The following ZRANB1 variants were observed in gnomAD, a reference collection of about 807,000 sequenced individuals.
ZRANB1 encodes ubiquitin thioesterase ZRANB1.
ZRANB1 carries 16 observed loss-of-function variants against 80.5 expected under a neutral mutation model. That is an observed-to-expected ratio of 0.20 (90% confidence interval 0.13 to 0.30). ZRANB1 has a LOEUF of 0.30. Among genes scored for constraint, ZRANB1 ranks in the 10% least tolerant of loss-of-function variants. The pLI, the probability that ZRANB1 is intolerant of heterozygous loss-of-function variation, is 1.00. For synonymous variants in ZRANB1, 291 were observed against 293.1 expected (o/e 0.99, Z 0.07); for missense variants, 576 against 862.6 (o/e 0.67, Z 4.16).
the ZRANB1 span, among the ~76,000 whole-genome samples, chr10:124,922,448 C>T: frequency 2.0e-5 from 3 of 150,218 alleles, no homozygotes; most frequent in Non-Finnish European, 4.4e-5. Context: ...ACTTCAGCCT[C>T]CCCAGTAGCT....
At chr10:124,956,524 A>C (rs1951688754) in intron 1 of ZRANB1, among the ~76,000 whole-genome samples, 1 of 151,978 alleles carries the variant, frequency 6.6e-6, no homozygotes, top group African/African-American at 2.4e-5. Context: ...GCTGGAGTGC[A>C]GTGGTGCTAT....
At chr10:124,968,514 AG>A (rs1951794960) in intron 2 of ZRANB1, among the ~76,000 whole-genome samples, 1 of 152,200 alleles carries the variant, frequency 6.6e-6, no homozygotes, top group East Asian at 1.9e-4. Context: ...ATAAGGGAGA[AG>A]GGAACTTTTC....
In ZRANB1 at chr10:124,952,751, T is replaced by C. The variant is rs79464643; in HGVS notation, c.814+9444T>C. 1.9e-4 allele frequency among the ~76,000 whole-genome samples: 29 copies of C among 151,776 alleles called. No homozygotes were observed. In the East Asian group the frequency reaches 5.6e-3, roughly 30 times the overall value. On this transcript the variant is annotated intron_variant, in intron 1 of 8. Transcript: ENST00000359653. ...TCAACCTCTCAAGTAGCTGGAATTATAGGCGCCCGCCAACATTCCCAGCTA... is the reference window on the plus strand; with the variant it reads ...TCAACCTCTCAAGTAGCTGGAATTACAGGCGCCCGCCAACATTCCCAGCTA...
the ZRANB1 span, among the ~76,000 whole-genome samples, chr10:124,928,212 T>A: frequency 1.4e-4 from 21 of 152,280 alleles, no homozygotes; most frequent in African/African-American, 5.1e-4. Context: ...AGCATCCTGT[T>A]ACGAGTGAAG....
chr10:124,976,565 CTTTTTTTT>C (rs138858881), intron 5 of ZRANB1, among the ~76,000 whole-genome samples: 1 of 75,700 alleles, frequency 1.3e-5, no homozygotes, highest in Non-Finnish European at 2.5e-5. Flanking sequence ...TGGTAATTTC[CTTTTTTTT>C]TTTTTTTTTT....
At chr10:124,921,567 C>CT in the ZRANB1 span, among the ~76,000 whole-genome samples, 4 of 152,060 alleles carry the variant, frequency 2.6e-5, no homozygotes, top group African/African-American at 4.8e-5. Context: ...CTTGACTTAC[C>CT]TACTACATCT....
chr10:124,966,772 G>A lies in ZRANB1; in HGVS notation c.993G>A (p.Leu331=), dbSNP rs1273166122. 2 of 1,611,258 alleles carry A rather than the reference G, an allele frequency of 1.2e-6. No individual in the cohort carries two copies. Among genetic ancestry groups the A allele is most frequent in the South Asian group, 2.2e-5 (2 of 90,970 alleles). Residue 331 remains leucine, a synonymous_variant, in exon 2 of 9, where the codon TTG becomes TTA. Transcript: ENST00000359653. ...RFQRQDMLAI[L]LTEVSQQAAK... ...AGAGGCAGGATATGCTAGCAATATT[G>A]CTTACAGAGGTAAGTTTGGCGTTTT... is the stretch of plus-strand genomic sequence containing the variant.
the ZRANB1 span, among the ~76,000 whole-genome samples, chr10:124,936,158 G>T: frequency 1.3e-5 from 2 of 152,136 alleles, no homozygotes; most frequent in African/African-American, 4.8e-5. Context: ...TGTGTGGCAT[G>T]TTTGGGAGTG....
chr10:124,942,983 G>T lies in ZRANB1; in HGVS notation c.490G>T (p.Ala164Ser). 6.2e-7 allele frequency: 1 copy of T among 1,614,200 alleles called. No homozygotes were observed. Among genetic ancestry groups the T allele is most frequent in the East Asian group, 2.2e-5 (1 of 44,884 alleles). Reference sequence around the variant, plus strand: ...CTCTGTTTGCACATATGAAAACTGGGCCAAGGCTAAAAGATGTGTTGTTTG... The same window carrying T: ...CTCTGTTTGCACATATGAAAACTGGTCCAAGGCTAAAAGATGTGTTGTTTG... ...TCSVCTYENWAKAKRCVVCDH... is the reference protein window; with the variant it reads ...TCSVCTYENWSKAKRCVVCDH... Residue 164 changes from alanine (A) to serine (S), a missense_variant, in exon 1 of 9, where the codon GCC (alanine) becomes TCC (serine). Physicochemically the swap from Ala to Ser is moderately conservative, Grantham distance 99 (BLOSUM62 1). Coordinates refer to ENST00000359653, the MANE Select transcript of ZRANB1 (RefSeq NM_017580.3).
At chr10:124,967,400 C>G (rs1951785225) in intron 2 of ZRANB1, among the ~76,000 whole-genome samples, 1 of 152,068 alleles carries the variant, frequency 6.6e-6, no homozygotes, top group African/African-American at 2.4e-5. Flanking sequence ...TAGGGACTTG[C>G]AGGTAACTAA....
At position 124,987,350 on chromosome 10, in the gene ZRANB1, T is replaced by C. The variant is rs1952077323; in HGVS notation, c.*2358T>C. On this transcript the variant is annotated 3_prime_UTR_variant, in exon 9 of 9. Coordinates refer to ENST00000359653, the MANE Select transcript of ZRANB1 (RefSeq NM_017580.3). ...GCATTTTGTTTTGACTTGTTCTTCC[T>C]TGGGGTCAAATTTATATATATATAT... is the stretch of plus-strand genomic sequence containing the variant. The C allele has an allele frequency of 6.7e-6, 1 of 149,732 alleles. No homozygotes were observed. The highest frequency in any genetic ancestry group is 2.1e-4 in the South Asian group (1 of 4,746). The allele number at this position is 149,732 out of a possible 1,614,324, so 9.3% of individuals were successfully genotyped here.
At chr10:124,946,084 C>T (rs900954071) in intron 1 of ZRANB1, among the ~76,000 whole-genome samples, 10 of 152,102 alleles carry the variant, frequency 6.6e-5, no homozygotes, top group Non-Finnish European at 8.8e-5. Flanking sequence ...CCACTGGGTC[C>T]GGCCCATCTC....
At chr10:124,917,174 TCGCCGCTGCCGC>T in the ZRANB1 span, 4 of 165,928 alleles carry the variant, frequency 2.4e-5, no homozygotes, top group South Asian at 1.8e-4. Flanking sequence ...GCGCGGGGAG[TCGCCGCTGCCGC>T]CGCCGCCGCC....
intron 5 of ZRANB1, among the ~76,000 whole-genome samples, chr10:124,975,706 G>A (rs1951871139): frequency 6.6e-6 from 1 of 152,134 alleles, no homozygotes; most frequent in African/African-American, 2.4e-5. Context: ...GTAGATCAAA[G>A]CATAATGCAG....
At position 124,942,429 on chromosome 10, in the gene ZRANB1, T is replaced by C. The variant is rs758594978; in HGVS notation, c.-65T>C. On this transcript the variant is annotated 5_prime_UTR_variant, in exon 1 of 9. Transcript: ENST00000359653. ...TTTTTGGAGGTGGAATGTAGTTATTTTAATAACCATGTCCTAATTATTTAT... is the reference window on the plus strand; with the variant it reads ...TTTTTGGAGGTGGAATGTAGTTATTCTAATAACCATGTCCTAATTATTTAT... 1.3e-6 allele frequency: 2 copies of C among 1,590,108 alleles called. No homozygotes were observed. Among genetic ancestry groups the C allele is most frequent in the Non-Finnish European group, 1.7e-6 (2 of 1,165,480 alleles).
At chr10:124,984,611 G>T in intron 8 of ZRANB1, 163 bp from the exon 9 acceptor site, 1 of 655,684 alleles carries the variant, frequency 1.5e-6, no homozygotes, top group Non-Finnish European at 2.5e-6. Context: ...GAGCAAACTG[G>T]ACTTTAATCA....
At chr10:124,955,366 GC>G (rs1951680756) in intron 1 of ZRANB1, among the ~76,000 whole-genome samples, 1 of 151,824 alleles carries the variant, frequency 6.6e-6, no homozygotes, top group Non-Finnish European at 1.5e-5. Flanking sequence ...TTCCCTAGTA[GC>G]TGTGATTACA....
intron 2 of ZRANB1, among the ~76,000 whole-genome samples, chr10:124,967,855 G>A (rs1008394571): frequency 6.6e-6 from 1 of 151,584 alleles, no homozygotes; most frequent in Non-Finnish European, 1.5e-5. Flanking sequence ...TAGAGATTGT[G>A]TATGAATTAT....
chr10:124,929,028 G>A, the ZRANB1 span, among the ~76,000 whole-genome samples: 1 of 152,164 alleles, frequency 6.6e-6, no homozygotes, highest in African/African-American at 2.4e-5. Flanking sequence ...TTTATTCTGT[G>A]TAAGGATGGT....
Sources: allele counts gnomAD v4.1 joint callset (sites outside exome capture counted in the v4.1 genomes callset), GRCh38; gene constraint gnomAD v4.1.1; transcripts MANE v1.5; gene names NCBI Gene and HGNC (gene_info 2026-07-23, HGNC 2026-07-21).